PAX5: variants seen among roughly 807,000 people sequenced by gnomAD.
PAX5 encodes the protein paired box 5, also known as paired box protein Pax-5.
PAX5 carries 9 observed loss-of-function variants against 43.7 expected under a neutral mutation model. That is an observed-to-expected ratio of 0.21 (90% confidence interval 0.12 to 0.36). The LOEUF is 0.36. Among genes scored for constraint, PAX5 ranks in the 10% least tolerant of loss-of-function variants. The pLI is 1.00. For synonymous variants in PAX5, 228 were observed against 214.3 expected (o/e 1.06, Z -0.56); for missense variants, 383 against 532.7 (o/e 0.72, Z 2.77).
At chr9:36,915,552 G>A (rs1829668766) in intron 7 of PAX5, among the ~76,000 whole-genome samples, 1 of 152,024 alleles carries the variant, frequency 6.6e-6, no homozygotes, top group Non-Finnish European at 1.5e-5. Context: ...GAAAAAAATG[G>A]GCAAAGGATT....
intron 8 of PAX5, among the ~76,000 whole-genome samples, chr9:36,869,472 C>G (rs1360522985): frequency 1.3e-5 from 2 of 152,234 alleles, no homozygotes; most frequent in Admixed American, 1.3e-4. Flanking sequence ...TTAGCTGTGC[C>G]CCTATTCTTT....
intron 5 of PAX5, among the ~76,000 whole-genome samples, chr9:36,971,869 A>G (rs1349423268): frequency 6.6e-6 from 1 of 152,256 alleles, no homozygotes; most frequent in Non-Finnish European, 1.5e-5. Context: ...GGAAGAAGCA[A>G]AATAGCCTCA....
chr9:37,012,978 G>A (rs1263495583), intron 3 of PAX5, among the ~76,000 whole-genome samples: 3 of 152,144 alleles, frequency 2.0e-5, no homozygotes, highest in African/African-American at 7.2e-5. Flanking sequence ...AGCTAGGTGT[G>A]ATGGCTCACA....
chr9:36,874,506 C>T (rs929245457), intron 8 of PAX5, among the ~76,000 whole-genome samples: 34 of 152,326 alleles, frequency 2.2e-4, no homozygotes, highest in African/African-American at 6.7e-4. Context: ...GGAACCCACA[C>T]CAGCCACTAG....
chr9:36,937,462 G>A (rs751910354), intron 6 of PAX5, among the ~76,000 whole-genome samples: 6 of 152,176 alleles, frequency 3.9e-5, no homozygotes, highest in South Asian at 2.1e-4. Context: ...TTGCAGAGCC[G>A]GGGGTTAAAC....
chr9:36,870,701 C>A (rs1389463586), intron 8 of PAX5, among the ~76,000 whole-genome samples: 5 of 152,240 alleles, frequency 3.3e-5, no homozygotes, highest in African/African-American at 1.2e-4. Flanking sequence ...AGCCCAGGGC[C>A]TCTCCAGGGC....
chr9:36,890,446 G>T (rs1827282644), intron 7 of PAX5, among the ~76,000 whole-genome samples: 1 of 152,212 alleles, frequency 6.6e-6, no homozygotes, highest in Admixed American at 6.5e-5. Context: ...TGGCAACTCT[G>T]TCTGCTGGGG....
chr9:36,978,877 C>T (rs962317417), intron 5 of PAX5, among the ~76,000 whole-genome samples: 6 of 152,202 alleles, frequency 3.9e-5, no homozygotes, highest in Admixed American at 3.3e-4. Flanking sequence ...CAGGAGCCAA[C>T]TACCAAGATT....
chr9:36,910,288 C>T (rs73453278), intron 7 of PAX5, among the ~76,000 whole-genome samples: 2,508 of 152,164 alleles, frequency 0.016, 72 homozygotes, highest in African/African-American at 0.058. Flanking sequence ...CCCTTTTTTA[C>T]GCAAAGGCAG....
At chr9:36,854,610 C>T (rs1823475014) in intron 8 of PAX5, among the ~76,000 whole-genome samples, 1 of 152,140 alleles carries the variant, frequency 6.6e-6, no homozygotes, top group Non-Finnish European at 1.5e-5. Flanking sequence ...TTCACTGCAC[C>T]CACGCCAAGC....
intron 7 of PAX5, among the ~76,000 whole-genome samples, chr9:36,886,969 G>A (rs1046615602): frequency 6.6e-6 from 1 of 152,152 alleles, no homozygotes; most frequent in African/African-American, 2.4e-5. Context: ...CATTTGGTTT[G>A]AAATAACTCA....
intron 1 of PAX5, among the ~76,000 whole-genome samples, chr9:37,027,487 C>T (rs939042390): frequency 5.3e-5 from 8 of 152,254 alleles, no homozygotes; most frequent in Non-Finnish European, 1.2e-4. Context: ...GGACGGCCGC[C>T]GTGCCTGCCC....
intron 3 of PAX5, chr9:37,007,701 A>T (rs1432497499): frequency 6.6e-6 from 1 of 152,240 alleles, no homozygotes; most frequent in Non-Finnish European, 1.5e-5. Flanking sequence ...TTTTCTCATT[A>T]TAACAGTAAT....
chr9:37,026,904 C>CT (rs1564092648), intron 1 of PAX5, among the ~76,000 whole-genome samples: 4 of 152,210 alleles, frequency 2.6e-5, no homozygotes, highest in Non-Finnish European at 5.9e-5. Context: ...GGGGGCATAG[C>CT]GTAGGGGCCC....
intron 6 of PAX5, among the ~76,000 whole-genome samples, chr9:36,927,907 G>A (rs1389790478): frequency 2.6e-5 from 4 of 151,982 alleles, no homozygotes; most frequent in Non-Finnish European, 4.4e-5. Context: ...ACAGGGTTTC[G>A]CCATGTTGGC....
chr9:36,917,823 C>A (rs1829840950), intron 7 of PAX5, among the ~76,000 whole-genome samples: 1 of 152,266 alleles, frequency 6.6e-6, no homozygotes, highest in Admixed American at 6.5e-5. Context: ...CATGCGCTCC[C>A]TTCCTGTCTC....
At chr9:36,992,799 T>C (rs1466834244) in intron 5 of PAX5, among the ~76,000 whole-genome samples, 1 of 152,222 alleles carries the variant, frequency 6.6e-6, no homozygotes, top group Non-Finnish European at 1.5e-5. Context: ...AGTAGGCAAG[T>C]TCAGACTTTG....
intron 3 of PAX5, among the ~76,000 whole-genome samples, chr9:37,013,466 A>G (rs561681362): frequency 6.2e-4 from 94 of 152,278 alleles, no homozygotes; most frequent in African/African-American, 2.2e-3. Context: ...AAGCCTGACC[A>G]GGGGTTTGGC....
At chr9:36,961,606 TG>T (rs2132163012) in intron 6 of PAX5, among the ~76,000 whole-genome samples, 1 of 152,380 alleles carries the variant, frequency 6.6e-6, no homozygotes, top group South Asian at 2.1e-4. Context: ...TGAGCTTTTA[TG>T]GGCTTTAGTG....
Sources: gnomAD v4.1 joint callset for allele counts (sites outside exome capture counted in the v4.1 genomes callset) on GRCh38, gnomAD v4.1.1 for gene constraint, MANE v1.5 for transcripts, NCBI Gene and HGNC (gene_info 2026-07-23, HGNC 2026-07-21) for gene names.